IL24: variants seen among roughly 807,000 people sequenced by gnomAD.
IL24 encodes the protein interleukin 24.
Under a neutral mutation model 27.6 loss-of-function variants are expected in IL24, and 24 were observed. That is an observed-to-expected ratio of 0.87 (90% confidence interval 0.63 to 1.22). The LOEUF is 1.22. Among genes scored for constraint, IL24 ranks in the 50% most tolerant of loss-of-function variants. The probability of loss-of-function intolerance (pLI) is 0.00; values close to 1 mark genes in which losing one functional copy is unlikely to be tolerated. For synonymous variants in IL24, 99 were observed against 93.1 expected, an observed-to-expected ratio of 1.06 and a Z score of -0.36; for missense variants, 240 against 237.0, an observed-to-expected ratio of 1.01 and a Z score of -0.08.
At position 206,902,911 on chromosome 1, in the gene IL24, C is replaced by A. The variant is rs541585286; in HGVS notation, c.538-65C>A. 1,625 of 1,612,162 alleles carry A rather than the reference C, an allele frequency of 1.0e-3. 1 individual carries two copies. The highest frequency in any genetic ancestry group is 1.1e-3 in the Non-Finnish European group (1,331 of 1,178,756). The stretch of plus-strand genomic sequence containing the variant: ...GGAGTCAGGTCTATTTTAGGCATGG[C>A]AGGTTGGAAGAAAGACTATTCTCAT... On this transcript the variant is annotated intron_variant, in intron 6 of 6. Transcript: ENST00000294984.
At position 206,903,038 on chromosome 1, in the gene IL24, G is replaced by T. The variant is rs1379314946; in HGVS notation, c.600G>T (p.Met200Ile). The T allele has an allele frequency of 3.7e-6, 6 of 1,614,122 alleles. No individual in the cohort carries two copies. The highest frequency in any genetic ancestry group is 4.2e-6 in the Non-Finnish European group (5 of 1,179,942). Residue 200 changes from methionine (M) to isoleucine (I), a missense_variant, in exon 7 of 7, where the codon ATG becomes ATT. Physicochemically the swap from Met to Ile is conservative, Grantham distance 10 (BLOSUM62 1). Transcript: ENST00000294984. ...LGEVDILLTW[M>I]QKFYKL ...AAGTGGACATTCTTCTGACCTGGAT[G>T]CAGAAATTCTACAAGCTCTGAATGT... is the stretch of plus-strand genomic sequence containing the variant.
rs950055828 is a variant in IL24, at chr1:206,897,764, C to T, written c.-69C>T. ...CATGACTGTGATGAGGAGCTGCTTT[C>T]GCCAATTTAACACCAAGAAGAATTG... On this transcript the variant is annotated 5_prime_UTR_variant, in exon 2 of 7. Transcript: ENST00000294984. 8.1e-5 allele frequency: 127 copies of T among 1,575,486 alleles called. No homozygotes were observed. The highest frequency in any genetic ancestry group is 1.0e-4 in the Non-Finnish European group (117 of 1,148,332).
chr1:206,903,133 A>C lies in IL24; in HGVS notation c.*74A>C. Reference sequence around the variant, plus strand: ...GTCATTTCAAACAGTCTCCCTTCCTATGCTGTTCACTGGACACTTCACGCC... The same window carrying C: ...GTCATTTCAAACAGTCTCCCTTCCTCTGCTGTTCACTGGACACTTCACGCC... On this transcript the variant is annotated 3_prime_UTR_variant, in exon 7 of 7. Transcript: ENST00000294984. 1 of 1,287,720 alleles carries C rather than the reference A, an allele frequency of 7.8e-7. No homozygotes were observed. Among genetic ancestry groups the C allele is most frequent in the Non-Finnish European group, 1.1e-6 (1 of 883,410 alleles). The allele number at this position is 1,287,720 out of a possible 1,614,324, so 79.8% of individuals were successfully genotyped here.
intron 4 of IL24, 25 bp from the exon 5 acceptor site, chr1:206,901,469 C>G: frequency 6.3e-7 from 1 of 1,598,488 alleles, no homozygotes; most frequent in Non-Finnish European, 8.5e-7. Flanking sequence ...GGCCTTGGCT[C>G]AGCAGTGACC....
Position 206,901,645 on chromosome 1 carries a change from A to G in IL24, c.455A>G (p.Gln152Arg). ...NNFVLIVSQL[Q>R]PSQENEMFSI... Reference sequence around the variant, plus strand: ...TTTGTTCTCATCGTGTCACAACTGCAACCCAGTGTGAGTAGCACACGCTCT... The same window carrying G: ...TTTGTTCTCATCGTGTCACAACTGCGACCCAGTGTGAGTAGCACACGCTCT... Residue 152 changes from glutamine to arginine, a missense_variant, in exon 5 of 7, where the codon CAA (glutamine) becomes CGA (arginine). By Grantham distance (43) the Gln-to-Arg change is conservative. Coordinates refer to ENST00000294984, the MANE Select transcript of IL24 (RefSeq NM_006850.3). 1.2e-6 allele frequency: 2 copies of G among 1,613,326 alleles called. No homozygotes were observed. Among genetic ancestry groups the G allele is most frequent in the South Asian group, 2.2e-5 (2 of 91,022 alleles).
intron 2 of IL24, 74 bp from the exon 3 acceptor site, chr1:206,899,246 G>A (rs758892156): frequency 2.5e-5 from 37 of 1,483,428 alleles, no homozygotes; most frequent in Middle Eastern, 2.4e-4. Context: ...GGAGACCCTC[G>A]GAGCATTTTC....
intron 3 of IL24, among the ~76,000 whole-genome samples, 171 bp from the exon 4 acceptor site, chr1:206,900,124 C>G (rs71635112): frequency 2.3e-4 from 35 of 152,290 alleles, no homozygotes; most frequent in Middle Eastern, 3.4e-3. Context: ...GTCTCCCCTC[C>G]CCATGGGCCA....
In IL24 at chr1:206,899,365, G is replaced by A. The variant is rs1391620243; in HGVS notation, c.90G>A (p.Met30Ile). The change falls in exon 3 of 7, where the codon ATG (methionine) becomes ATA (isoleucine). Residue 30 changes from methionine (M) to isoleucine (I), a missense_variant. By Grantham distance (10) the Met-to-Ile change is conservative. Transcript: ENST00000294984. ...PLLATASQMQ[M>I]VVLPCLGFTL... Reference sequence around the variant, plus strand: ...TGGCGACAGCCTCTCAAATGCAGATGGTTGTGCTCCCTTGCCTGGGTTTTA... The same window carrying A: ...TGGCGACAGCCTCTCAAATGCAGATAGTTGTGCTCCCTTGCCTGGGTTTTA... The A allele has an allele frequency of 6.2e-7, 1 of 1,614,072 alleles. No individual in the cohort carries two copies. Among genetic ancestry groups the A allele is most frequent in the Non-Finnish European group, 8.5e-7 (1 of 1,180,004 alleles).
rs1342269715 is a variant in IL24, at chr1:206,897,521, T to G, written c.-197T>G. On this transcript the variant is annotated 5_prime_UTR_variant, in exon 1 of 7. Coordinates refer to ENST00000294984, the MANE Select transcript of IL24 (RefSeq NM_006850.3). ...CTTCCACCCACAGCTATGCCTCTGA[T>G]TGGTGAATGGTGAAGGTGCCTGTCT... is the stretch of plus-strand genomic sequence containing the variant. The G allele has an allele frequency of 1.4e-5, 3 of 213,702 alleles. No homozygotes were observed. Among genetic ancestry groups the G allele is most frequent in the Non-Finnish European group, 2.8e-5 (3 of 107,540 alleles). The allele number at this position is 213,702 out of a possible 1,614,324, so 13.2% of individuals were successfully genotyped here.
Position 206,897,887 on chromosome 1 carries a change from T to A in IL24, c.44+11T>A. 2 of 1,579,316 alleles carry A rather than the reference T, an allele frequency of 1.3e-6. No individual in the cohort carries two copies. Among genetic ancestry groups the A allele is most frequent in the Admixed American group, 3.5e-5 (2 of 56,590 alleles). Reference sequence around the variant, plus strand: ...GTGGACTTTAGCCAGGTGCGGTGGCTCACACCTGTAATCCCAGAACTTTGG... The same window carrying A: ...GTGGACTTTAGCCAGGTGCGGTGGCACACACCTGTAATCCCAGAACTTTGG... On this transcript the variant is annotated intron_variant, in intron 2 of 6. Transcript: ENST00000294984.
chr1:206,897,638 T>C, intron 1 of IL24, 23 bp downstream of exon 1: 1 of 472,318 alleles, frequency 2.1e-6, no homozygotes, highest in Non-Finnish European at 3.8e-6. Flanking sequence ...GATTCTTGGT[T>C]ACTTTTTTTT....
chr1:206,903,016 T>C lies in IL24; in HGVS notation c.578T>C (p.Val193Ala), dbSNP rs746081228. Residue 193 changes from valine to alanine, a missense_variant, in exon 7 of 7, where the codon GTG becomes GCG. Val to Ala is a moderately conservative substitution (Grantham distance 64). Transcript: ENST00000294984. ...EAALTKALGE[V>A]DILLTWMQKF... ...GCTCTGACCAAAGCCCTTGGGGAAG[T>C]GGACATTCTTCTGACCTGGATGCAG... 6.2e-7 allele frequency: 1 copy of C among 1,614,196 alleles called. No homozygotes were observed. Among genetic ancestry groups the C allele is most frequent in the Non-Finnish European group, 8.5e-7 (1 of 1,180,016 alleles).
intron 2 of IL24, among the ~76,000 whole-genome samples, chr1:206,898,159 T>G (rs1678229606): frequency 9.2e-6 from 1 of 108,872 alleles, no homozygotes; most frequent in African/African-American, 4.1e-5. Flanking sequence ...AGACTGAAAT[T>G]CTGTCAAAAA....
At chr1:206,899,608 C>A in intron 3 of IL24, 93 bp downstream of exon 3, 1 of 1,069,536 alleles carries the variant, frequency 9.3e-7, no homozygotes, top group Non-Finnish European at 1.3e-6. Flanking sequence ...ATTCTGGAGT[C>A]CTTCACAGCT....
Position 206,902,635 on chromosome 1 carries a change from A to G in IL24, c.538-341A>G, listed in dbSNP as rs1349361505. The G allele has an allele frequency of 3.0e-6, 3 of 985,066 alleles. No individual in the cohort carries two copies. The African/African-American group carries it at 5.2e-5, about 17-fold the overall frequency. 61.0% of individuals were successfully genotyped at this position (985,066 alleles called of 1,614,324 possible). The stretch of plus-strand genomic sequence containing the variant: ...GGTGAAGAGCAATAACATCTGATGG[A>G]GAGGGGCCACCTGGGCTCATTTCAC... On this transcript the variant is annotated intron_variant, in intron 6 of 6. Coordinates refer to ENST00000294984, the MANE Select transcript of IL24 (RefSeq NM_006850.3).
rs780973460 is a variant in IL24 at position 206,899,346 on chromosome 1, C to T, written c.71C>T (p.Thr24Ile). 3.7e-6 allele frequency: 6 copies of T among 1,614,068 alleles called. No individual in the cohort carries two copies. Among genetic ancestry groups the T allele is most frequent in the Non-Finnish European group, 5.1e-6 (6 of 1,179,964 alleles). ...ARPFCPPLLA[T>I]ASQMQMVVLP... ...CCCTTCTGCCCTCCTTTGCTGGCGA[C>T]AGCCTCTCAAATGCAGATGGTTGTG... Residue 24 changes from threonine to isoleucine, a missense_variant, in exon 3 of 7, where the codon ACA becomes ATA. By Grantham distance (89) the Thr-to-Ile change is moderately conservative (BLOSUM62 -1). Coordinates refer to ENST00000294984, the MANE Select transcript of IL24 (RefSeq NM_006850.3).
At position 206,900,290 on chromosome 1, in the gene IL24, C is replaced by T; in HGVS notation, c.241-5C>T. The T allele has an allele frequency of 2.5e-6, 4 of 1,613,030 alleles. No homozygotes were observed. Among genetic ancestry groups the T allele is most frequent in the Non-Finnish European group, 3.4e-6 (4 of 1,179,494 alleles). On this transcript the variant is annotated splice_polypyrimidine_tract_variant and splice_region_variant and intron_variant, in intron 3 of 6. Transcript: ENST00000294984. ...TGGAGACGTCTTTTCTTTCTGTTTG[C>T]CAAGCAAGCTCAGGATAACATCACG... is the stretch of plus-strand genomic sequence containing the variant.
rs1454556010 is a variant in IL24, at chr1:206,900,173, C to T, written c.241-122C>T. The T allele has an allele frequency of 5.5e-6, 5 of 909,576 alleles. No individual in the cohort carries two copies. In the East Asian group the frequency reaches 1.0e-4, roughly 19 times the overall value. 56.3% of individuals were successfully genotyped at this position (909,576 alleles called of 1,614,324 possible). The stretch of plus-strand genomic sequence containing the variant: ...CTTCCTGGGTCCTCTTTTGGTCCCT[C>T]TGGCCTTTGAGATCTCACAGACTAG... On this transcript the variant is annotated intron_variant, in intron 3 of 6. Coordinates refer to ENST00000294984, the MANE Select transcript of IL24 (RefSeq NM_006850.3).
chr1:206,901,701 G>T (rs185465005), intron 5 of IL24, 49 bp downstream of exon 5: 1 of 1,522,808 alleles, frequency 6.6e-7, no homozygotes, highest in South Asian at 1.2e-5. Flanking sequence ...TCAAGTCTAG[G>T]TCTGCTTCCA....
Sources: allele counts gnomAD v4.1 joint callset (sites outside exome capture counted in the v4.1 genomes callset), GRCh38; gene constraint gnomAD v4.1.1; transcripts MANE v1.5; gene names NCBI Gene and HGNC (gene_info 2026-07-23, HGNC 2026-07-21).